RSRC2: variants seen among roughly 807,000 people sequenced by gnomAD.
The protein encoded by RSRC2 is arginine/serine-rich coiled-coil protein 2.
In RSRC2, 5 loss-of-function variants were observed where a neutral mutation model predicts 61.3. The observed-to-expected ratio is 0.08, with a 90% CI of 0.04 to 0.17. The LOEUF is 0.17. RSRC2 is among the 10% of genes least tolerant of loss of function. The probability of loss-of-function intolerance (pLI) is 1.00; values close to 1 mark genes in which losing one functional copy is unlikely to be tolerated. For missense variants in RSRC2, 381 were observed against 518.8 expected, an observed-to-expected ratio of 0.73 and a Z score of 2.58; for synonymous variants, 202 against 166.5, an observed-to-expected ratio of 1.21 and a Z score of -1.64.
In RSRC2 at chr12:122,520,924, A is replaced by C. The variant is rs1959190149; in HGVS notation, c.207+461T>G. ...CACTCAAACCTTTATTTCAAAATTC[A>C]ATACTACTATTAGGGAAACTGAACT... On this transcript the variant is annotated intron_variant, in intron 3 of 9. Coordinates refer to ENST00000331738, the MANE Select transcript of RSRC2 (RefSeq NM_023012.6). 2.1e-5 allele frequency: 5 copies of C among 235,490 alleles called. No individual in the cohort carries two copies. The South Asian group carries it at 2.5e-4, about 12-fold the overall frequency. 14.6% of individuals were successfully genotyped at this position (235,490 alleles called of 1,614,324 possible).
At chr12:122,519,751 T>A (rs1394301907) in intron 3 of RSRC2, 5 of 152,466 alleles carry the variant, frequency 3.3e-5, no homozygotes. Context: ...CAATACATAC[T>A]GCCCCCACAC....
At chr12:122,505,914 G>T (rs760748580) in intron 9 of RSRC2, among the ~76,000 whole-genome samples, 1 of 152,040 alleles carries the variant, frequency 6.6e-6, no homozygotes, top group Non-Finnish European at 1.5e-5. Flanking sequence ...AAATAGCTGG[G>T]ATTAGAGGCA....
intron 3 of RSRC2, chr12:122,520,266 A>G (rs1039433064): frequency 7.7e-6 from 2 of 259,034 alleles, no homozygotes; most frequent in African/African-American, 4.6e-5. Context: ...AGACACAATT[A>G]AATTTTAGTT....
At chr12:122,507,612 T>C (rs1472815697) in intron 8 of RSRC2, among the ~76,000 whole-genome samples, 2 of 152,092 alleles carry the variant, frequency 1.3e-5, no homozygotes, top group Non-Finnish European at 2.9e-5. Context: ...TTGACTTCAA[T>C]CAATTATGTT....
At chr12:122,509,113 T>C (rs1958309568) in intron 7 of RSRC2, among the ~76,000 whole-genome samples, 1 of 151,946 alleles carries the variant, frequency 6.6e-6, no homozygotes, top group South Asian at 2.1e-4. Context: ...AATGTTCTCA[T>C]GGACATTTCA....
At chr12:122,522,504 A>G (rs1309713291) in intron 1 of RSRC2, 2 of 436,206 alleles carry the variant, frequency 4.6e-6, no homozygotes, top group Admixed American at 8.4e-5. Flanking sequence ...CAAGACCTAC[A>G]TATTTAGACT....
intron 7 of RSRC2, among the ~76,000 whole-genome samples, chr12:122,510,384 G>T (rs1958409566): frequency 6.6e-6 from 1 of 152,122 alleles, no homozygotes; most frequent in Admixed American, 6.5e-5. Context: ...ACAAAAATTA[G>T]CTAGATGTGG....
At chr12:122,524,400 G>C (rs1320836283) in intron 1 of RSRC2, among the ~76,000 whole-genome samples, 2 of 152,188 alleles carry the variant, frequency 1.3e-5, no homozygotes, top group African/African-American at 4.8e-5. Context: ...ACTTTTGCCA[G>C]AGACAGAATT....
intron 7 of RSRC2, among the ~76,000 whole-genome samples, chr12:122,508,911 A>C (rs958874668): frequency 7.2e-5 from 11 of 151,964 alleles, no homozygotes. Context: ...AGTCGAGATC[A>C]TGCCACTGCA....
chr12:122,514,933 G>A (rs1451239856), intron 6 of RSRC2, 172 bp downstream of exon 6: 7 of 755,648 alleles, frequency 9.3e-6, no homozygotes, highest in African/African-American at 3.5e-5. Context: ...TTATAGTTGT[G>A]CAAATGTTTA....
intron 5 of RSRC2, among the ~76,000 whole-genome samples, chr12:122,516,676 A>G (rs1314768722): frequency 6.6e-6 from 1 of 152,190 alleles, no homozygotes; most frequent in Non-Finnish European, 1.5e-5. Context: ...TTAATACAAC[A>G]AATCCAGTGT....
At chr12:122,525,633 G>C (rs149126338) in intron 1 of RSRC2, among the ~76,000 whole-genome samples, 1 of 152,178 alleles carries the variant, frequency 6.6e-6, no homozygotes, top group East Asian at 1.9e-4. Context: ...TAATTTTTTA[G>C]TCAGTAAAAA....
chr12:122,519,870 A>G (rs1193369805), intron 3 of RSRC2: 2 of 152,902 alleles, frequency 1.3e-5, no homozygotes, highest in East Asian at 3.8e-4. Context: ...TACATACTAC[A>G]GTTCCCTACA....
At chr12:122,507,905 A>T (rs1221861514) in intron 8 of RSRC2, 7 of 394,476 alleles carry the variant, frequency 1.8e-5, no homozygotes, top group Non-Finnish European at 2.4e-5. Context: ...GGCTCAAGCG[A>T]TTCTCCTGCC....
intron 7 of RSRC2, among the ~76,000 whole-genome samples, chr12:122,509,107 T>C (rs1228507421): frequency 6.6e-6 from 1 of 151,954 alleles, no homozygotes; most frequent in Non-Finnish European, 1.5e-5. Flanking sequence ...TTATGAAATG[T>C]TCTCATGGAC....
In RSRC2 at chr12:122,517,358, G is replaced by T; in HGVS notation, c.471C>A (p.Ser157=). ...TCGATTTCTTCCTCTCTCTGCTTCTGGATCTCGATTTCTTCCGCTCCCTAC... is the reference window on the plus strand; with the variant it reads ...TCGATTTCTTCCTCTCTCTGCTTCTTGATCTCGATTTCTTCCGCTCCCTAC... ...SRSRERKKSR[S]RSRERKKSRS... is the part of the protein sequence containing the mutation. Residue 157 remains serine, a synonymous_variant, in exon 5 of 10, where the codon TCC becomes TCA. Coordinates refer to ENST00000331738, the MANE Select transcript of RSRC2 (RefSeq NM_023012.6). 1 of 1,614,028 alleles carries T rather than the reference G, an allele frequency of 6.2e-7. No individual in the cohort carries two copies. Among genetic ancestry groups the T allele is most frequent in the East Asian group, 2.2e-5 (1 of 44,882 alleles).
intron 1 of RSRC2, 139 bp downstream of exon 1, chr12:122,526,709 T>A (rs962166830): frequency 5.7e-4 from 374 of 650,732 alleles, no homozygotes; most frequent in Middle Eastern, 9.4e-4. Flanking sequence ...CAGGCAGCCA[T>A]GATGGCGGGC....
intron 7 of RSRC2, among the ~76,000 whole-genome samples, chr12:122,510,189 A>AT (rs1958395755): frequency 6.6e-6 from 1 of 152,174 alleles, no homozygotes. Flanking sequence ...AGAAATACAT[A>AT]TTTCAGATCA....
At chr12:122,523,232 A>C (rs1364771737) in intron 1 of RSRC2, 1 of 152,260 alleles carries the variant, frequency 6.6e-6, no homozygotes, top group African/African-American at 2.4e-5. Context: ...AAGGCACTTA[A>C]AACGCCAGTG....
Sources: gnomAD v4.1 joint callset for allele counts (sites outside exome capture counted in the v4.1 genomes callset) on GRCh38, gnomAD v4.1.1 for gene constraint, MANE v1.5 for transcripts, NCBI Gene and HGNC (gene_info 2026-07-23, HGNC 2026-07-21) for gene names.